The following CCDC77 variants were observed in gnomAD, a reference collection of about 807,000 sequenced individuals.
CCDC77 encodes coiled-coil domain containing 77.
In CCDC77, 56 loss-of-function variants were observed where a neutral mutation model predicts 66.8. That is an observed-to-expected ratio of 0.84 (90% CI 0.68 to 1.05). CCDC77 has a LOEUF of 1.05. Among genes scored for constraint, CCDC77 ranks in the 50% least tolerant of loss-of-function variants. The probability of loss-of-function intolerance (pLI) is 0.00; values close to 1 mark genes in which losing one functional copy is unlikely to be tolerated. For missense variants in CCDC77, 570 were observed against 576.8 expected (o/e 0.99, Z 0.12); for synonymous variants, 196 against 195.2 (o/e 1.00, Z -0.03).
intron 5 of CCDC77, among the ~76,000 whole-genome samples, chr12:428,449 T>G (rs1028553863): frequency 7.0e-6 from 1 of 142,422 alleles, no homozygotes; most frequent in Non-Finnish European, 1.5e-5. Flanking sequence ...AGGCGGAGGT[T>G]GCAGTGAGCC....
intron 1 of CCDC77, among the ~76,000 whole-genome samples, chr12:392,018 A>G (rs766680597): frequency 3.3e-5 from 5 of 152,230 alleles, no homozygotes; most frequent in Non-Finnish European, 7.3e-5. Context: ...AAAAATCCAA[A>G]TTGTGTTTCA....
rs577672033 is a variant in CCDC77 at position 436,141 on chromosome 12, A to G, written c.822-2194A>G. The stretch of plus-strand genomic sequence containing the variant: ...TTTTTTTTTTTTTTTTTTTTGAGAC[A>G]GAGTCTCGCTGTGTCGTCCAGGCTG... On this transcript the variant is annotated intron_variant, in intron 9 of 12. Transcript: ENST00000239830. Among the ~76,000 whole-genome samples, 976 of 132,812 alleles carry G rather than the reference A, an allele frequency of 7.3e-3. 7 individuals are homozygous for G. Among genetic ancestry groups the G allele is most frequent in the Non-Finnish European group, 0.011 (709 of 64,316 alleles). The allele number at this position is 132,812 out of a possible 152,430, so 87.1% of individuals were successfully genotyped here. A position where few individuals can be genotyped will look rare whatever the true frequency, so the allele number is the denominator to read the frequency against.
intron 4 of CCDC77, among the ~76,000 whole-genome samples, chr12:413,544 A>G (rs1945158663): frequency 6.7e-6 from 1 of 148,794 alleles, no homozygotes; most frequent in African/African-American, 2.6e-5. Flanking sequence ...CGGCCTCTCT[A>G]GCTACTCTTT....
intron 9 of CCDC77, among the ~76,000 whole-genome samples, chr12:437,191 T>C (rs561318083): frequency 1.3e-5 from 2 of 152,348 alleles, no homozygotes; most frequent in African/African-American, 4.8e-5. Flanking sequence ...TTTTTCTGGG[T>C]GGTAATGTTA....
intron 2 of CCDC77, among the ~76,000 whole-genome samples, chr12:406,557 T>C (rs917509978): frequency 4.6e-5 from 7 of 152,228 alleles, no homozygotes; most frequent in African/African-American, 1.2e-4. Context: ...CTGAGTAAGA[T>C]GAAAAGTCAT....
upstream of CCDC77, among the ~76,000 whole-genome samples, chr12:397,685 C>T (rs966882014): frequency 6.6e-6 from 1 of 151,414 alleles, no homozygotes; most frequent in Non-Finnish European, 1.5e-5. Context: ...CTTGCTCTGT[C>T]ACCCAGGCTG....
Position 411,933 on chromosome 12 carries a change from C to T in CCDC77, c.225C>T (p.Asp75=). The change falls in exon 4 of 13, where the codon GAC becomes GAT. Residue 75 remains aspartate, a synonymous_variant. Coordinates refer to ENST00000239830, the MANE Select transcript of CCDC77 (RefSeq NM_032358.4). ...CTGAGTGTGAGGCAGAAAATGAGGA[C>T]TTGCTGAAGAAACTGGAACTCTACA... is the stretch of plus-strand genomic sequence containing the variant. ...KMAECEAENE[D]LLKKLELYKE... 1.2e-6 allele frequency: 2 copies of T among 1,613,976 alleles called. No individual in the cohort carries two copies. The highest frequency in any genetic ancestry group is 1.7e-6 in the Non-Finnish European group (2 of 1,179,988).
At chr12:432,408 G>A (rs1945671096) in intron 8 of CCDC77, among the ~76,000 whole-genome samples, 1 of 152,070 alleles carries the variant, frequency 6.6e-6, no homozygotes, top group South Asian at 2.1e-4. Context: ...TTGCACTAAA[G>A]TTTCTGTCCT....
chr12:416,403 ATATATATATATATT>A (rs1158481840), intron 4 of CCDC77, among the ~76,000 whole-genome samples: 1,518 of 51,220 alleles, frequency 0.03, 69 homozygotes, highest in African/African-American at 0.092. Context: ...ATATATATAT[ATATATATATATATT>A]TCTTTTTTTT....
intron 4 of CCDC77, among the ~76,000 whole-genome samples, chr12:414,686 T>C (rs1945187965): frequency 6.6e-6 from 1 of 152,226 alleles, no homozygotes; most frequent in Non-Finnish European, 1.5e-5. Flanking sequence ...TAACTTTTTC[T>C]TTATTCTTTG....
chr12:425,367 G>T (rs942771417), intron 5 of CCDC77, among the ~76,000 whole-genome samples: 1 of 150,252 alleles, frequency 6.7e-6, no homozygotes, highest in Non-Finnish European at 1.5e-5. Context: ...TTCTCAGAGG[G>T]TCTGTTAGGA....
chr12:413,829 T>G (rs867087988), intron 4 of CCDC77, among the ~76,000 whole-genome samples: 2 of 151,338 alleles, frequency 1.3e-5, no homozygotes, highest in Middle Eastern at 6.8e-3. Flanking sequence ...GGTTTCACTG[T>G]GTTGCCCAGG....
At chr12:433,690 C>T (rs1361668955) in intron 9 of CCDC77, among the ~76,000 whole-genome samples, 1 of 151,726 alleles carries the variant, frequency 6.6e-6, no homozygotes, top group East Asian at 1.9e-4. Flanking sequence ...CACTGATATA[C>T]TATCTGACTC....
chr12:428,960 C>A, intron 6 of CCDC77, 95 bp downstream of exon 6: 1 of 697,824 alleles, frequency 1.4e-6, no homozygotes, highest in Non-Finnish European at 2.4e-6. Flanking sequence ...CTGGAGAAGG[C>A]AGATGGAGAA....
chr12:415,497 TTATTAACATAATATGTTAA>T (rs970403249), intron 4 of CCDC77, among the ~76,000 whole-genome samples: 28 of 147,840 alleles, frequency 1.9e-4, no homozygotes, highest in Non-Finnish European at 3.6e-4. Context: ...ATTAACATAA[TTATTAACATAATATGTTAA>T]TATTAACATA....
chr12:414,796 C>G lies in CCDC77; in HGVS notation c.270+2818C>G, dbSNP rs145816046. ...TCTGCTTCCTAAATATTACTTAATC[C>G]ATTCCCACACCCACCTCACTTTGGC... On this transcript the variant is annotated intron_variant, in intron 4 of 12. Coordinates refer to ENST00000239830, the MANE Select transcript of CCDC77 (RefSeq NM_032358.4). 2.6e-4 allele frequency among the ~76,000 whole-genome samples: 39 copies of G among 152,220 alleles called. 1 individual carries two copies. Among genetic ancestry groups the G allele is most frequent in the African/African-American group, 9.4e-4 (39 of 41,518 alleles).
chr12:407,282 G>A (rs943539612), intron 2 of CCDC77, among the ~76,000 whole-genome samples: 5 of 152,196 alleles, frequency 3.3e-5, no homozygotes, highest in Middle Eastern at 3.2e-3. Context: ...GACAAAGAGA[G>A]GAGTAAAATT....
intron 4 of CCDC77, among the ~76,000 whole-genome samples, chr12:415,085 G>C (rs1269120465): frequency 6.6e-6 from 1 of 151,954 alleles, no homozygotes; most frequent in African/African-American, 2.4e-5. Context: ...GATGGGAGCT[G>C]GTTGCCAGAT....
At chr12:397,376 G>A (rs796891799), upstream of CCDC77, among the ~76,000 whole-genome samples, 12 of 152,084 alleles carry the variant, frequency 7.9e-5, no homozygotes, top group African/African-American at 2.7e-4. Context: ...AAAAGATACC[G>A]AGCCGAGATG....
Sources: allele counts gnomAD v4.1 joint callset (sites outside exome capture counted in the v4.1 genomes callset), GRCh38; gene constraint gnomAD v4.1.1; transcripts MANE v1.5; gene names NCBI Gene and HGNC (gene_info 2026-07-23, HGNC 2026-07-21).